CELF4: variants seen among roughly 807,000 people sequenced by gnomAD.
CELF4 encodes the protein CUGBP Elav-like family member 4.
A neutral mutation model predicts 59.9 loss-of-function variants in CELF4; 18 were observed. The ratio of observed to expected loss-of-function variants is 0.30; its 90% confidence interval spans 0.21 to 0.45. The LOEUF (loss-of-function observed/expected upper bound fraction) is 0.45, where lower values mean the gene tolerates loss of function less well. Ranked by LOEUF, CELF4 falls within the 20% of genes least tolerant of loss-of-function variation. The probability of loss-of-function intolerance (pLI) is 1.00; values close to 1 mark genes in which losing one functional copy is unlikely to be tolerated. For missense variants in CELF4, 456 were observed against 689.0 expected, an observed-to-expected ratio of 0.66 and a Z score of 3.79; for synonymous variants, 261 against 267.1, an observed-to-expected ratio of 0.98 and a Z score of 0.22.
rs891912537 is a variant in CELF4, at chr18:37,461,228, G to T, written c.369+24297C>A. ...AGGGTGGAGGCAGGGCTTGAGATTTGCTGTCAAGAGTGCCGTGTTAATCTG... is the reference window on the plus strand; with the variant it reads ...AGGGTGGAGGCAGGGCTTGAGATTTTCTGTCAAGAGTGCCGTGTTAATCTG... On this transcript the variant is annotated intron_variant, in intron 2 of 12. Transcript: ENST00000420428. Among the ~76,000 whole-genome samples, 8 of 152,294 alleles carry T rather than the reference G, an allele frequency of 5.3e-5. No homozygotes were observed. In the East Asian group the frequency reaches 1.4e-3, roughly 26 times the overall value.
At chr18:37,306,274 G>A (rs1316158955) in intron 3 of CELF4, 1 of 152,286 alleles carries the variant, frequency 6.6e-6, no homozygotes, top group African/African-American at 2.4e-5. Context: ...TGCCAGATCT[G>A]CCTTCCGGCA....
chr18:37,393,624 G>T (rs756679405), intron 2 of CELF4, among the ~76,000 whole-genome samples: 5 of 152,210 alleles, frequency 3.3e-5, no homozygotes, highest in Non-Finnish European at 5.9e-5. Flanking sequence ...GGCATGTGGT[G>T]GGGAGAGGAG....
At chr18:37,398,062 C>G (rs1049957930) in intron 2 of CELF4, among the ~76,000 whole-genome samples, 1 of 152,174 alleles carries the variant, frequency 6.6e-6, no homozygotes, top group African/African-American at 2.4e-5. Context: ...TGTAAAGGGG[C>G]CCTGAGCCCA....
chr18:37,336,167 G>T (rs547503068), intron 2 of CELF4, among the ~76,000 whole-genome samples: 1 of 152,186 alleles, frequency 6.6e-6, no homozygotes, highest in Admixed American at 6.5e-5. Context: ...CTCGCTCAGG[G>T]AGGGCTCACA....
intron 2 of CELF4, among the ~76,000 whole-genome samples, chr18:37,426,342 G>A (rs2099612408): frequency 6.6e-6 from 1 of 152,170 alleles, no homozygotes; most frequent in Non-Finnish European, 1.5e-5. Flanking sequence ...TGACCTGGGT[G>A]CCTGCCTTGC....
At chr18:37,434,713 T>C (rs1418435165) in intron 2 of CELF4, among the ~76,000 whole-genome samples, 1 of 152,060 alleles carries the variant, frequency 6.6e-6, no homozygotes, top group Non-Finnish European at 1.5e-5. Flanking sequence ...AGGCCACAGA[T>C]GCGATCAGTA....
At chr18:37,271,413 C>A (rs2091230561) in intron 7 of CELF4, among the ~76,000 whole-genome samples, 1 of 152,102 alleles carries the variant, frequency 6.6e-6, no homozygotes, top group Non-Finnish European at 1.5e-5. Flanking sequence ...CACCACCAGG[C>A]CCAGCTAATT....
chr18:37,564,648 G>T (rs1290358341), intron 1 of CELF4, among the ~76,000 whole-genome samples: 1 of 151,898 alleles, frequency 6.6e-6, no homozygotes, highest in Non-Finnish European at 1.5e-5. Context: ...GACTATCCAG[G>T]CTTGCCAGAC....
At chr18:37,267,349 G>T (rs981064133) in intron 8 of CELF4, among the ~76,000 whole-genome samples, 2 of 152,242 alleles carry the variant, frequency 1.3e-5, no homozygotes, top group African/African-American at 4.8e-5. Flanking sequence ...ACTCAGGGAA[G>T]TTGGGCTGAG....
At chr18:37,476,254 T>C (rs2099848689) in intron 2 of CELF4, among the ~76,000 whole-genome samples, 1 of 152,240 alleles carries the variant, frequency 6.6e-6, no homozygotes, top group Admixed American at 6.5e-5. Context: ...GACAGTGTTC[T>C]GAAGGGTGGA....
At chr18:37,445,898 A>C (rs1488989910) in intron 2 of CELF4, among the ~76,000 whole-genome samples, 3 of 152,070 alleles carry the variant, frequency 2.0e-5, no homozygotes, top group Non-Finnish European at 4.4e-5. Context: ...CCTCCTCCTT[A>C]TCATCTACCC....
At chr18:37,443,887 C>T (rs1434759319) in intron 2 of CELF4, among the ~76,000 whole-genome samples, 2 of 152,204 alleles carry the variant, frequency 1.3e-5, no homozygotes, top group Non-Finnish European at 2.9e-5. Flanking sequence ...ATTCAGTGTG[C>T]ATATTCTGAG....
chr18:37,562,517 A>T (rs957948726), intron 1 of CELF4, among the ~76,000 whole-genome samples: 3 of 152,174 alleles, frequency 2.0e-5, no homozygotes, highest in African/African-American at 7.2e-5. Flanking sequence ...ATATGCCCTG[A>T]AACCAGGCTT....
At chr18:37,364,202 C>T (rs186204660) in intron 2 of CELF4, among the ~76,000 whole-genome samples, 65 of 152,312 alleles carry the variant, frequency 4.3e-4, no homozygotes, top group Admixed American at 1.4e-3. Flanking sequence ...TGCCCCTTCC[C>T]TTGCTGGCCT....
intron 12 of CELF4, among the ~76,000 whole-genome samples, chr18:37,251,157 A>G (rs2065221924): frequency 6.6e-6 from 1 of 151,924 alleles, no homozygotes; most frequent in South Asian, 2.1e-4. Context: ...AAATACTAAC[A>G]CTACCTACCT....
At chr18:37,393,286 G>A (rs2099188998) in intron 2 of CELF4, among the ~76,000 whole-genome samples, 1 of 152,196 alleles carries the variant, frequency 6.6e-6, no homozygotes, top group African/African-American at 2.4e-5. Flanking sequence ...ACCTCCTGAT[G>A]GGATGTACCT....
At chr18:37,365,324 C>A (rs1029755708) in intron 2 of CELF4, among the ~76,000 whole-genome samples, 4 of 152,016 alleles carry the variant, frequency 2.6e-5, no homozygotes, top group African/African-American at 9.7e-5. Context: ...TACCCTTCTA[C>A]CAAGCCCGAT....
chr18:37,350,178 C>T (rs933949862), intron 2 of CELF4, among the ~76,000 whole-genome samples: 3 of 152,130 alleles, frequency 2.0e-5, no homozygotes, highest in African/African-American at 7.2e-5. Flanking sequence ...ACGATGGGAA[C>T]AGAGCCCCAT....
chr18:37,299,850 G>A (rs1296448684), intron 3 of CELF4, among the ~76,000 whole-genome samples: 1 of 152,006 alleles, frequency 6.6e-6, no homozygotes, highest in African/African-American at 2.4e-5. Context: ...CAGCCAGCAT[G>A]GTCCCCACCC....
Sources: gnomAD v4.1 joint callset for allele counts (sites outside exome capture counted in the v4.1 genomes callset) on GRCh38, gnomAD v4.1.1 for gene constraint, MANE v1.5 for transcripts, NCBI Gene and HGNC (gene_info 2026-07-23, HGNC 2026-07-21) for gene names.